ZNF320: variants seen among roughly 807,000 people sequenced by gnomAD.
ZNF320 encodes the protein zinc finger protein 320.
ZNF320 carries 2 observed loss-of-function variants against 6.8 expected under a neutral mutation model. That is an observed-to-expected ratio of 0.29 (90% CI 0.12 to 0.93). ZNF320 has a LOEUF of 0.93. Ranked by LOEUF, ZNF320 falls within the 40% of genes least tolerant of loss-of-function variation. The pLI is 0.55. For synonymous variants in ZNF320, 208 were observed against 203.2 expected (o/e 1.02, Z -0.20); for missense variants, 472 against 611.0 (o/e 0.77, Z 2.40).
At chr19:52,874,827 T>C (rs2063737751), downstream of ZNF320, among the ~76,000 whole-genome samples, 1 of 152,114 alleles carries the variant, frequency 6.6e-6, no homozygotes, top group Non-Finnish European at 1.5e-5. Context: ...ACGCTGCTTG[T>C]CACTTGCAGC....
chr19:52,901,308 C>T (rs186502911), upstream of ZNF320, among the ~76,000 whole-genome samples: 2 of 152,274 alleles, frequency 1.3e-5, no homozygotes, highest in East Asian at 1.9e-4. Context: ...AGTTCTTTGT[C>T]TGAGGAAGGT....
chr19:52,866,447 A>C (rs1019324102), intron 5 of ZNF320, among the ~76,000 whole-genome samples: 3 of 152,090 alleles, frequency 2.0e-5, no homozygotes, highest in Admixed American at 6.6e-5. Flanking sequence ...GTAACGGTGA[A>C]AAACTGGGAA....
rs997267579 is a variant in ZNF320 at position 52,880,841 on chromosome 19, C to G, written c.1285G>C (p.Glu429Gln). ...CCTGTATGAATCCTCCTATGTCTTT[C>G]AAGGTGTGATTTGCGAATGTAAACT... The part of the protein sequence containing the change: ...DKVYIRKSHL[E>Q]RHRRIHTGEK... The change falls in exon 6 of 6, where the codon GAA becomes CAA. Residue 429 changes from glutamate (E) to glutamine (Q), a missense_variant. By Grantham distance (29) the Glu-to-Gln change is conservative. Coordinates refer to ENST00000682928, the MANE Select transcript of ZNF320 (RefSeq NM_001351774.2). 1 of 1,613,986 alleles carries G rather than the reference C, an allele frequency of 6.2e-7. No homozygotes were observed. The highest frequency in any genetic ancestry group is 1.3e-5 in the African/African-American group (1 of 75,050).
At chr19:52,867,175 T>C (rs2063590700) in intron 5 of ZNF320, among the ~76,000 whole-genome samples, 1 of 151,538 alleles carries the variant, frequency 6.6e-6, no homozygotes, top group South Asian at 2.1e-4. Flanking sequence ...ATTTAATTAA[T>C]TAATTAATTA....
intron 5 of ZNF320, among the ~76,000 whole-genome samples, chr19:52,869,425 C>A (rs2063638773): frequency 6.6e-6 from 1 of 152,222 alleles, no homozygotes; most frequent in African/African-American, 2.4e-5. Flanking sequence ...GCGAAGGAGA[C>A]CATGGATGTG....
upstream of ZNF320, among the ~76,000 whole-genome samples, chr19:52,899,792 C>T (rs535710232): frequency 7.2e-5 from 11 of 152,234 alleles, no homozygotes; most frequent in East Asian, 1.9e-4. Flanking sequence ...AGTCTCTTGC[C>T]GGGCAAGAAC....
rs1464495319 is a variant in ZNF320, at chr19:52,888,015, T to C, written c.142+112A>G. The C allele has an allele frequency of 9.2e-6, 14 of 1,515,092 alleles. No homozygotes were observed. The African/African-American group carries it at 1.4e-4, about 15-fold the overall frequency. 93.9% of individuals were successfully genotyped at this position (1,515,092 alleles called of 1,614,324 possible). ...CATCATGAAGCTTTTCATTTCAAAA[T>C]CAATACAGCTTCCATTTTAGTCAAG... On this transcript the variant is annotated intron_variant, in intron 5 of 5. Coordinates refer to ENST00000682928, the MANE Select transcript of ZNF320 (RefSeq NM_001351774.2).
chr19:52,899,087 G>A (rs2147914813), upstream of ZNF320, among the ~76,000 whole-genome samples: 1 of 152,318 alleles, frequency 6.6e-6, no homozygotes, highest in East Asian at 1.9e-4. Context: ...TAGATTGATA[G>A]TGATTCATAT....
chr19:52,862,944 G>A (rs2063494162), exon 6 of ZNF320: 3 of 204,956 alleles, frequency 1.5e-5, no homozygotes, highest in Non-Finnish European at 3.0e-5. Flanking sequence ...TGAGGCAGGG[G>A]AATTGCTTGA....
At position 52,881,805 on chromosome 19, in the gene ZNF320, A is replaced by G. The variant is rs746468182; in HGVS notation, c.321T>C (p.Asn107=). 3 of 1,613,782 alleles carry G rather than the reference A, an allele frequency of 1.9e-6. No individual in the cohort carries two copies. Among genetic ancestry groups the G allele is most frequent in the East Asian group, 2.2e-5 (1 of 44,868 alleles). The change falls in exon 6 of 6, where the codon AAT becomes AAC. Residue 107 remains asparagine, a synonymous_variant. Coordinates refer to ENST00000682928, the MANE Select transcript of ZNF320 (RefSeq NM_001351774.2). ...FVFQWQEDET[N]DHEAPMTEIK... Reference sequence around the variant, plus strand: ...TTTCTGTCATGGGTGCTTCATGGTCATTTGTTTCATCTTCTTGCCACTGAA... The same window carrying G: ...TTTCTGTCATGGGTGCTTCATGGTCGTTTGTTTCATCTTCTTGCCACTGAA...
exon 6 of ZNF320, chr19:52,862,232 C>T (rs183949806): frequency 6.3e-6 from 4 of 633,182 alleles, no homozygotes; most frequent in African/African-American, 5.6e-5. Context: ...GTGGTGATTG[C>T]CCACTAAAGG....
Position 52,881,422 on chromosome 19 carries a change from T to C in ZNF320, c.704A>G (p.His235Arg). Residue 235 changes from histidine to arginine, a missense_variant, in exon 6 of 6, where the codon CAT (histidine) becomes CGT (arginine). Physicochemically the swap from His to Arg is conservative, Grantham distance 29. Coordinates refer to ENST00000682928, the MANE Select transcript of ZNF320 (RefSeq NM_001351774.2). ...TTTCTCTCCAGTATGACTTCTATGA[T>C]GACATGCAAGGGTTGCTTTTTGATC... is the stretch of plus-strand genomic sequence containing the variant. ...VFDQKATLAC[H>R]HRSHTGEKPY... 3.7e-6 allele frequency: 6 copies of C among 1,614,200 alleles called. No individual in the cohort carries two copies. Among genetic ancestry groups the C allele is most frequent in the Non-Finnish European group, 5.1e-6 (6 of 1,180,034 alleles).
intron 5 of ZNF320, among the ~76,000 whole-genome samples, chr19:52,883,923 A>T (rs770699238): frequency 6.6e-6 from 1 of 151,958 alleles, no homozygotes; most frequent in Non-Finnish European, 1.5e-5. Context: ...AAGATAAATA[A>T]CTACTTCTCA....
rs1339751796 is a variant in ZNF320, at chr19:52,876,548, A to G, written c.*4048T>C. 2 of 152,172 alleles carry G rather than the reference A, an allele frequency of 1.3e-5. No homozygotes were observed. Among genetic ancestry groups the G allele is most frequent in the African/African-American group, 2.4e-5 (1 of 41,438 alleles). 9.4% of individuals were successfully genotyped at this position (152,172 alleles called of 1,614,324 possible). On this transcript the variant is annotated 3_prime_UTR_variant, in exon 6 of 6. Transcript: ENST00000682928. Reference sequence around the variant, plus strand: ...TGGAGTCTCGCTCTTGCCCAGCCAGAGTGCAGTTGCAGGATCTCAGCTCAC... The same window carrying G: ...TGGAGTCTCGCTCTTGCCCAGCCAGGGTGCAGTTGCAGGATCTCAGCTCAC...
chr19:52,890,790 G>A (rs2064263818), intron 3 of ZNF320, among the ~76,000 whole-genome samples: 1 of 152,082 alleles, frequency 6.6e-6, no homozygotes, highest in Non-Finnish European at 1.5e-5. Context: ...TGAGATGAGA[G>A]GATCACTTGT....
At chr19:52,863,237 G>A in exon 6 of ZNF320, among the ~76,000 whole-genome samples, 1 of 152,192 alleles carries the variant, frequency 6.6e-6, no homozygotes, top group Admixed American at 6.6e-5. Context: ...GTATTTCTAT[G>A]AAATATATAA....
At chr19:52,865,470 TTAC>T (rs1389995595) in intron 5 of ZNF320, 12 of 40,284 alleles carry the variant, frequency 3.0e-4, no homozygotes, top group African/African-American at 1.1e-3. Flanking sequence ...TATATATATA[TTAC>T]ATATATATAT....
chr19:52,888,064 A>G, intron 5 of ZNF320, 63 bp downstream of exon 5: 1 of 1,603,604 alleles, frequency 6.2e-7, no homozygotes, highest in Non-Finnish European at 8.5e-7. Context: ...CCCAAGAGAA[A>G]CAAGAGAAAA....
the ZNF320 span, among the ~76,000 whole-genome samples, chr19:52,903,663 A>G: frequency 6.0e-5 from 9 of 150,580 alleles, no homozygotes; most frequent in African/African-American, 2.2e-4. Flanking sequence ...ATTCTTTAAC[A>G]TATTTCTTAG....
Sources: gnomAD v4.1 joint callset for allele counts (sites outside exome capture counted in the v4.1 genomes callset) on GRCh38, gnomAD v4.1.1 for gene constraint, MANE v1.5 for transcripts, NCBI Gene and HGNC (gene_info 2026-07-23, HGNC 2026-07-21) for gene names.